SYMPK: variants seen among roughly 807,000 people sequenced by gnomAD.
SYMPK encodes the protein symplekin.
Under a neutral mutation model 136.4 loss-of-function variants are expected in SYMPK, and 49 were observed. The ratio of observed to expected loss-of-function variants is 0.36; its 90% CI spans 0.29 to 0.46. The LOEUF (loss-of-function observed/expected upper bound fraction) is 0.46. SYMPK is among the 20% of genes least tolerant of loss of function. The pLI is 1.00. For synonymous variants in SYMPK, 766 were observed against 713.0 expected, an observed-to-expected ratio of 1.07 and a Z score of -1.19; for missense variants, 1,365 against 1,690.0, an observed-to-expected ratio of 0.81 and a Z score of 3.37.
At chr19:45,834,058 C>CGGGT (rs1363934977) in intron 11 of SYMPK, among the ~76,000 whole-genome samples, 1 of 151,974 alleles carries the variant, frequency 6.6e-6, no homozygotes, top group Non-Finnish European at 1.5e-5. Context: ...GAGGCCAAGG[C>CGGGT]GGGTGGATCA....
intron 12 of SYMPK, 87 bp downstream of exon 12, chr19:45,831,297 A>ACG: frequency 1.8e-6 from 2 of 1,097,632 alleles, no homozygotes; most frequent in Non-Finnish European, 2.5e-6. Context: ...ACACACACGC[A>ACG]CACGCACACG....
chr19:45,848,046 G>A (rs1160047886), intron 6 of SYMPK, 45 bp from the exon 7 acceptor site: 23 of 1,538,300 alleles, frequency 1.5e-5, no homozygotes, highest in Non-Finnish European at 2.0e-5. Flanking sequence ...ACAAAGAGGT[G>A]AAGACAACGC....
At chr19:45,852,894 A>T (rs950532279) in intron 3 of SYMPK, among the ~76,000 whole-genome samples, 4 of 151,992 alleles carry the variant, frequency 2.6e-5, no homozygotes, top group African/African-American at 9.7e-5. Flanking sequence ...TTTGGCCTCC[A>T]TTCACCTGTC....
Position 45,842,377 on chromosome 19 carries a change from C to A in SYMPK, c.960G>T (p.Gln320His), listed in dbSNP as rs1971462374. 1 of 1,614,086 alleles carries A rather than the reference C, an allele frequency of 6.2e-7. No homozygotes were observed. Among genetic ancestry groups the A allele is most frequent in the African/African-American group, 1.3e-5 (1 of 74,928 alleles). Reference sequence around the variant, plus strand: ...CCAGGTCCACCAGCAGGGTGGTGATCTGGGCCTGGAACTCCAAGGAAGCCG... The same window carrying A: ...CCAGGTCCACCAGCAGGGTGGTGATATGGGCCTGGAACTCCAAGGAAGCCG... ...KHPASLEFQA[Q>H]ITTLLVDLGT... The change falls in exon 9 of 27, where the codon CAG (glutamine) becomes CAT (histidine). Residue 320 changes from glutamine to histidine, a missense_variant. Around this residue, in one of 11 missense-constraint regions of SYMPK, gnomAD observed 111 missense variants for 141.2 expected, o/e 0.79. Coordinates refer to ENST00000245934, the MANE Select transcript of SYMPK (RefSeq NM_004819.3).
intron 3 of SYMPK, among the ~76,000 whole-genome samples, 166 bp from the exon 4 acceptor site, chr19:45,852,701 A>G (rs576509072): frequency 1.3e-5 from 2 of 152,246 alleles, no homozygotes; most frequent in African/African-American, 4.8e-5. Flanking sequence ...TGCTCTGGGC[A>G]TGGTCTCTGA....
In SYMPK at chr19:45,821,225, AAAG is replaced by A; in HGVS notation, c.2893+156_2893+158del. On this transcript the variant is annotated intron_variant, in intron 22 of 26. Transcript: ENST00000245934. The surrounding 1 kb of genome is among the most constrained non-coding windows in gnomAD (Gnocchi z 4.4). The stretch of plus-strand genomic sequence containing the variant: ...GGGAGGGAGGGAAGAGGAGGCAAGA[AAAG>A]GAGGGAGGGAGGGAGGTGGCTCTCC... 2.8e-6 allele frequency: 2 copies of A among 705,082 alleles called. No individual in the cohort carries two copies. The highest frequency in any genetic ancestry group is 2.3e-4 in the Middle Eastern group (1 of 4,312). 43.7% of individuals were successfully genotyped at this position (705,082 alleles called of 1,614,324 possible).
chr19:45,845,529 T>G (rs1183358359), intron 7 of SYMPK, among the ~76,000 whole-genome samples: 1 of 152,180 alleles, frequency 6.6e-6, no homozygotes, highest in Non-Finnish European at 1.5e-5. Flanking sequence ...TGACAGGATC[T>G]CCTTCTTTTT....
chr19:45,821,489 C>G lies in SYMPK; in HGVS notation c.2792-4G>C. ...GACAAGGCTGAGTTTCCCTCACCTG[C>G]AGCAGGCGGGAGGAAGGGTGGGGGA... On this transcript the variant is annotated splice_polypyrimidine_tract_variant and splice_region_variant and intron_variant, in intron 21 of 26. Transcript: ENST00000245934. This position sits in a 1 kb window ranked among gnomAD's most constrained non-coding sequence, Gnocchi z 4.4. 6.2e-7 allele frequency: 1 copy of G among 1,609,686 alleles called. No homozygotes were observed. The highest frequency in any genetic ancestry group is 8.5e-7 in the Non-Finnish European group (1 of 1,176,236).
intron 13 of SYMPK, among the ~76,000 whole-genome samples, chr19:45,829,583 G>C (rs1440475022): frequency 6.6e-6 from 1 of 152,134 alleles, no homozygotes; most frequent in Non-Finnish European, 1.5e-5. Flanking sequence ...ATATTTTTCA[G>C]CTCAGGGAGT....
chr19:45,826,427 A>T, intron 16 of SYMPK, 54 bp from the exon 17 acceptor site: 2 of 1,577,950 alleles, frequency 1.3e-6, no homozygotes, highest in Non-Finnish European at 1.7e-6. Flanking sequence ...GAGGAAGAAC[A>T]GCTATTCCTG....
chr19:45,849,580 C>T (rs1376240019), intron 5 of SYMPK, among the ~76,000 whole-genome samples: 1 of 152,148 alleles, frequency 6.6e-6, no homozygotes, highest in Non-Finnish European at 1.5e-5. Flanking sequence ...AGGAATAATA[C>T]GTTTTTGCTC....
Position 45,816,010 on chromosome 19 carries a change from C to G in SYMPK, c.3528G>C (p.Pro1176=). 1 of 1,598,832 alleles carries G rather than the reference C, an allele frequency of 6.3e-7. No individual in the cohort carries two copies. ...ACGGGGGCGGGCCTGGCCGGGCCGA[C>G]GGAGAGGGAGAGGGGGAGGAAGAGG... ...APSSSSPSPS[P]SARPGPPPSE... Residue 1176 remains proline (P), a synonymous_variant, in exon 26 of 27, where the codon CCG becomes CCC. Transcript: ENST00000245934.
intron 20 of SYMPK, 23 bp downstream of exon 20, chr19:45,823,349 C>T (rs371880320): frequency 1.2e-6 from 2 of 1,611,458 alleles, no homozygotes; most frequent in Non-Finnish European, 1.7e-6. Flanking sequence ...GTAGCAGGGA[C>T]AAACAGGCCT....
At chr19:45,853,627 A>T (rs543225677) in intron 3 of SYMPK, among the ~76,000 whole-genome samples, 1 of 151,918 alleles carries the variant, frequency 6.6e-6, no homozygotes, top group Admixed American at 6.5e-5. Context: ...AAAAAAAAAA[A>T]AAGAGATGCT....
chr19:45,835,558 T>G (rs751036662), intron 10 of SYMPK, among the ~76,000 whole-genome samples: 2 of 151,924 alleles, frequency 1.3e-5, no homozygotes, highest in Non-Finnish European at 2.9e-5. Flanking sequence ...GGGTGTGTAT[T>G]CCCCGTAGAG....
intron 1 of SYMPK, among the ~76,000 whole-genome samples, chr19:45,858,584 C>T (rs1011065460): frequency 2.0e-5 from 3 of 151,986 alleles, no homozygotes; most frequent in Non-Finnish European, 4.4e-5. Flanking sequence ...GGCGTGATCT[C>T]AGCTCACAGC....
chr19:45,858,901 A>G (rs1185179650), intron 1 of SYMPK, among the ~76,000 whole-genome samples: 1 of 151,250 alleles, frequency 6.6e-6, no homozygotes, highest in Non-Finnish European at 1.5e-5. Flanking sequence ...CACACACTAC[A>G]TATTTATAAG....
At chr19:45,861,847 C>T (rs1971974670) in intron 1 of SYMPK, 1 of 151,878 alleles carries the variant, frequency 6.6e-6, no homozygotes, top group African/African-American at 2.4e-5. Context: ...GAGTTCAAGA[C>T]CAGCCTGGCC....
At chr19:45,835,917 T>C (rs1418020115) in intron 10 of SYMPK, among the ~76,000 whole-genome samples, 1 of 147,804 alleles carries the variant, frequency 6.8e-6, no homozygotes, top group East Asian at 2.0e-4. Context: ...ATCTCATTCA[T>C]AAAGAAAGAA....
Sources: gnomAD v4.1 joint callset for allele counts (sites outside exome capture counted in the v4.1 genomes callset) on GRCh38, gnomAD v4.1.1 for gene constraint, gnomAD v4.1.1 regional missense constraint, Gnocchi (gnomAD v3.1) non-coding constraint, MANE v1.5 for transcripts, NCBI Gene and HGNC (gene_info 2026-07-23, HGNC 2026-07-21) for gene names.